PIGZ: variants seen among roughly 807,000 people sequenced by gnomAD.
PIGZ encodes phosphatidylinositol glycan anchor biosynthesis class Z (Gwada blood group).
PIGZ carries 16 observed loss-of-function variants against 16.4 expected under a neutral mutation model. That is an observed-to-expected ratio of 0.97 (90% CI 0.66 to 1.48). PIGZ has a LOEUF of 1.48. Ranked by LOEUF, PIGZ falls within the 40% of genes most tolerant of loss-of-function variation. PIGZ has a pLI of 0.00. For synonymous variants in PIGZ, 409 were observed against 338.4 expected (o/e 1.21, Z -2.29); for missense variants, 770 against 739.2 (o/e 1.04, Z -0.48).
At chr3:196,961,920 C>A (rs1717736835) in intron 1 of PIGZ, among the ~76,000 whole-genome samples, 1 of 152,178 alleles carries the variant, frequency 6.6e-6, no homozygotes, top group Non-Finnish European at 1.5e-5. Flanking sequence ...AACCCCATAT[C>A]ATTTAGTTAT....
chr3:196,963,443 T>C (rs907775857), intron 1 of PIGZ, among the ~76,000 whole-genome samples: 1 of 152,238 alleles, frequency 6.6e-6, no homozygotes, highest in East Asian at 1.9e-4. Context: ...TAACCAACAC[T>C]TGTTATCTGA....
Position 196,965,657 on chromosome 3 carries a change from G to A in PIGZ, c.-1+3030C>T, listed in dbSNP as rs1157280416. Among the ~76,000 whole-genome samples the A allele has an allele frequency of 1.3e-5, 2 of 152,168 alleles. No homozygotes were observed. The highest frequency in any genetic ancestry group is 1.5e-5 in the Non-Finnish European group (1 of 68,042). ...TGAGTCCAGGTATGCTGTGACTGGT[G>A]TGCATGTACCTGGGATTTCTTAGCC... On this transcript the variant is annotated intron_variant, in intron 1 of 2. Transcript: ENST00000412723. This position sits in a 1 kb window ranked among gnomAD's most constrained non-coding sequence, Gnocchi z 4.2.
chr3:196,966,655 G>T (rs1046977624), intron 1 of PIGZ, among the ~76,000 whole-genome samples: 4 of 152,204 alleles, frequency 2.6e-5, no homozygotes, highest in Admixed American at 2.6e-4. Flanking sequence ...GAGCTCCAGG[G>T]AACGACCCCC....
At chr3:196,957,106 C>T (rs1468115167) in intron 1 of PIGZ, among the ~76,000 whole-genome samples, 1 of 152,026 alleles carries the variant, frequency 6.6e-6, no homozygotes, top group Non-Finnish European at 1.5e-5. Context: ...ACACTTGCTT[C>T]TCTCAGGTAA....
Position 196,946,638 on chromosome 3 carries a change from C to G in PIGZ, c.*519G>C, listed in dbSNP as rs566289287. On this transcript the variant is annotated 3_prime_UTR_variant, in exon 3 of 3. Coordinates refer to ENST00000412723, the MANE Select transcript of PIGZ (RefSeq NM_025163.4). The stretch of plus-strand genomic sequence containing the variant: ...TCAAGATCACACAGCGAGGAGGTGA[C>G]AGACCAAGGGGCCAGAAGTTGGGTC... The G allele has an allele frequency of 2.0e-5, 3 of 152,498 alleles. No homozygotes were observed. The highest frequency in any genetic ancestry group is 4.8e-5 in the African/African-American group (2 of 41,574). The allele number at this position is 152,498 out of a possible 1,614,324, so 9.4% of individuals were successfully genotyped here. A position where few individuals can be genotyped will look rare whatever the true frequency, so the allele number is the denominator to read the frequency against.
chr3:196,948,866 CCCTT>C (rs1460556426), intron 2 of PIGZ, among the ~76,000 whole-genome samples, 181 bp from the exon 3 acceptor site: 3 of 85,634 alleles, frequency 3.5e-5, no homozygotes, highest in Non-Finnish European at 7.5e-5. Flanking sequence ...TCCCTTCCTT[CCCTT>C]CCTTCCTTCC....
chr3:196,948,888 CCCCTT>C (rs1432708622), intron 2 of PIGZ, among the ~76,000 whole-genome samples: 2 of 10,742 alleles, frequency 1.9e-4, no homozygotes, highest in Non-Finnish European at 3.1e-4. Context: ...TCCCTTCCTT[CCCCTT>C]CCTTCCCTTC....
intron 1 of PIGZ, among the ~76,000 whole-genome samples, chr3:196,953,288 A>C (rs1244417739): frequency 1.3e-5 from 2 of 152,350 alleles, no homozygotes; most frequent in Admixed American, 1.3e-4. Flanking sequence ...CCTGATCACC[A>C]GCTCCTATCC....
intron 1 of PIGZ, among the ~76,000 whole-genome samples, chr3:196,968,317 G>T (rs1279320642): frequency 2.6e-5 from 4 of 152,224 alleles, no homozygotes; most frequent in African/African-American, 4.8e-5. Context: ...CTGAGACCCA[G>T]TCGGGTTATG....
rs188979406 is a variant in PIGZ, at chr3:196,950,557, A to G, written c.211+1264T>C. Among the ~76,000 whole-genome samples the G allele has an allele frequency of 9.2e-5, 14 of 152,228 alleles. No individual in the cohort carries two copies. The East Asian group carries it at 2.3e-3, about 25-fold the overall frequency. Reference sequence around the variant, plus strand: ...CTCCAGACTTTCAGCTGTTTTATCTATCTATGTTAGATGTTGAAAGGGAAG... The same window carrying G: ...CTCCAGACTTTCAGCTGTTTTATCTGTCTATGTTAGATGTTGAAAGGGAAG... On this transcript the variant is annotated intron_variant, in intron 2 of 2. Coordinates refer to ENST00000412723, the MANE Select transcript of PIGZ (RefSeq NM_025163.4).
chr3:196,953,150 C>A (rs1268762114), intron 1 of PIGZ, among the ~76,000 whole-genome samples: 1 of 152,180 alleles, frequency 6.6e-6, no homozygotes, highest in African/African-American at 2.4e-5. Flanking sequence ...AATGATAAAG[C>A]CAGTTCCCTA....
chr3:196,966,635 A>T (rs1425386362), intron 1 of PIGZ, among the ~76,000 whole-genome samples: 1 of 152,172 alleles, frequency 6.6e-6, no homozygotes, highest in East Asian at 1.9e-4. Flanking sequence ...ATCGACCATA[A>T]CAAATGCGGG....
intron 1 of PIGZ, among the ~76,000 whole-genome samples, chr3:196,954,499 T>A (rs999497524): frequency 3.9e-5 from 6 of 152,240 alleles, no homozygotes; most frequent in Non-Finnish European, 7.3e-5. Flanking sequence ...TGCGAATTTC[T>A]TCAAAACATC....
At position 196,947,604 on chromosome 3, in the gene PIGZ, A is replaced by G. The variant is rs376778737; in HGVS notation, c.1293T>C (p.His431=). 6.2e-7 allele frequency: 1 copy of G among 1,613,570 alleles called. No individual in the cohort carries two copies. The highest frequency in any genetic ancestry group is 8.5e-7 in the Non-Finnish European group (1 of 1,179,806). Residue 431 remains histidine (H), a synonymous_variant, in exon 3 of 3, where the codon CAT becomes CAC. Transcript: ENST00000412723. Reference sequence around the variant, plus strand: ...CCAGGCCAGGCACCAGGCCCCCCTGATGCAGGCAGCCGAAGAGGAGGGCAC... The same window carrying G: ...CCAGGCCAGGCACCAGGCCCCCCTGGTGCAGGCAGCCGAAGAGGAGGGCAC... ...ALGALLFGCL[H]QGGLVPGLEY...
In PIGZ at chr3:196,947,530, G is replaced by A; in HGVS notation, c.1367C>T (p.Thr456Ile). The A allele has an allele frequency of 6.2e-7, 1 of 1,613,770 alleles. No individual in the cohort carries two copies. The highest frequency in any genetic ancestry group is 8.5e-7 in the Non-Finnish European group (1 of 1,180,006). ...VHAPVLPSTP[T>I]HYTLLFTHTY... ...GTGAGTGAAGAGGAGTGTGTAGTGG[G>A]TGGGTGTGCTTGGGAGCACAGGGGC... Residue 456 changes from threonine to isoleucine, a missense_variant, in exon 3 of 3, where the codon ACC becomes ATC. By Grantham distance (89) the Thr-to-Ile change is moderately conservative. Coordinates refer to ENST00000412723, the MANE Select transcript of PIGZ (RefSeq NM_025163.4).
At chr3:196,954,856 A>G (rs1052258186) in intron 1 of PIGZ, among the ~76,000 whole-genome samples, 1 of 152,146 alleles carries the variant, frequency 6.6e-6, no homozygotes, top group East Asian at 1.9e-4. Flanking sequence ...AGAACACCAT[A>G]CATTCTATAC....
Position 196,948,281 on chromosome 3 carries a change from C to CCA in PIGZ, c.615_616insTG (p.Ala206TrpfsTer47), listed in dbSNP as rs1717021922. 1 of 1,614,148 alleles carries CCA rather than the reference C, an allele frequency of 6.2e-7. No individual in the cohort carries two copies. The highest frequency in any genetic ancestry group is 8.5e-7 in the Non-Finnish European group (1 of 1,180,016). ...CAGCTGCGCCACCGTGGACCCGGCGCCGGCTCCTTGCGTGTAGGGCCCCAC... is the reference window on the plus strand; with the variant it reads ...CAGCTGCGCCACCGTGGACCCGGCGCCACGGCTCCTTGCGTGTAGGGCCCCAC... On this transcript the variant is annotated frameshift_variant, in exon 3 of 3. Coordinates refer to ENST00000412723, the MANE Select transcript of PIGZ (RefSeq NM_025163.4). LOFTEE classifies it low-confidence loss of function (END_TRUNC).
intron 1 of PIGZ, among the ~76,000 whole-genome samples, chr3:196,958,862 C>G (rs1717602578): frequency 6.6e-6 from 1 of 152,080 alleles, no homozygotes; most frequent in Non-Finnish European, 1.5e-5. Context: ...TAAGGGACAG[C>G]CTTGGTCAGC....
In PIGZ at chr3:196,965,250, T is replaced by G. The variant is rs1717880147; in HGVS notation, c.-1+3437A>C. On this transcript the variant is annotated intron_variant, in intron 1 of 2. Transcript: ENST00000412723. The surrounding 1 kb of genome is among the most constrained non-coding windows in gnomAD (Gnocchi z 4.2). ...ATTGCTGGGGAAGTTTCAGGAAACT[T>G]ACAGTCATAGCGGAAGGGGAAGCAG... 6.6e-6 allele frequency among the ~76,000 whole-genome samples: 1 copy of G among 152,190 alleles called. No homozygotes were observed. The highest frequency in any genetic ancestry group is 2.4e-5 in the African/African-American group (1 of 41,442).
Sources: gnomAD v4.1 joint callset for allele counts (sites outside exome capture counted in the v4.1 genomes callset) on GRCh38, gnomAD v4.1.1 for gene constraint, Gnocchi (gnomAD v3.1) non-coding constraint, MANE v1.5 for transcripts, NCBI Gene and HGNC (gene_info 2026-07-23, HGNC 2026-07-21) for gene names.